The following DENND2A variants were observed in gnomAD, a reference collection of about 807,000 sequenced individuals.
DENND2A encodes the protein DENN domain-containing protein 2A.
A neutral mutation model predicts 105.3 loss-of-function variants in DENND2A; 53 were observed. That is an observed-to-expected ratio of 0.50 (90% confidence interval 0.40 to 0.63). The LOEUF (loss-of-function observed/expected upper bound fraction) is 0.63. DENND2A is among the 30% of genes least tolerant of loss of function. The pLI is 0.00. For missense variants in DENND2A, 1,138 were observed against 1,279.6 expected (o/e 0.89, Z 1.69); for synonymous variants, 522 against 508.4 (o/e 1.03, Z -0.36).
intron 12 of DENND2A, among the ~76,000 whole-genome samples, chr7:140,550,011 C>G (rs971733831): frequency 6.6e-6 from 1 of 151,964 alleles, no homozygotes; most frequent in Non-Finnish European, 1.5e-5. Context: ...CTAAGTGAAT[C>G]GAAGCCAGTC....
At chr7:140,520,306 CAA>C (rs762064430) in intron 18 of DENND2A, among the ~76,000 whole-genome samples, 22 of 108,164 alleles carry the variant, frequency 2.0e-4, no homozygotes, top group Non-Finnish European at 1.4e-4. Flanking sequence ...AACTCCGTCG[CAA>C]AAAAAAAAAA....
chr7:140,628,519 T>C (rs1169801411), intron 1 of DENND2A, among the ~76,000 whole-genome samples: 1 of 151,526 alleles, frequency 6.6e-6, no homozygotes, highest in Non-Finnish European at 1.5e-5. Flanking sequence ...AAATCCCCTT[T>C]GGCCTAAAAT....
chr7:140,632,863 C>T (rs1318693153), intron 1 of DENND2A, among the ~76,000 whole-genome samples: 7 of 143,266 alleles, frequency 4.9e-5, no homozygotes, highest in Non-Finnish European at 1.0e-4. Flanking sequence ...CCATGCCTGG[C>T]CTTTTTTTTT....
chr7:140,519,665 G>C lies in DENND2A; in HGVS notation c.2965C>G (p.His989Asp), dbSNP rs1024601972. ...EYLETLPSGEHSGVNKFLKGL... is the reference protein window; with the variant it reads ...EYLETLPSGEDSGVNKFLKGL... ...TTCAGGAACTTATTGACACCGCTGT[G>C]CTCTCCACTGGGGAGTGTTTCCAGA... The change falls in exon 19 of 20, where the codon CAC becomes GAC. Residue 989 changes from histidine to aspartate, a missense_variant. His to Asp is a moderately conservative substitution (Grantham distance 81). Coordinates refer to ENST00000496613, the MANE Select transcript of DENND2A (RefSeq NM_015689.5). The C allele has an allele frequency of 6.2e-7, 1 of 1,613,986 alleles. No homozygotes were observed. Among genetic ancestry groups the C allele is most frequent in the African/African-American group, 1.3e-5 (1 of 74,890 alleles).
intron 5 of DENND2A, among the ~76,000 whole-genome samples, chr7:140,579,064 G>A (rs1156423810): frequency 7.6e-4 from 116 of 152,268 alleles, no homozygotes; most frequent in Non-Finnish European, 2.5e-4. Context: ...GGGAGGCCAC[G>A]TTGGGCGGAT....
chr7:140,560,931 G>GA (rs201719342), intron 9 of DENND2A, among the ~76,000 whole-genome samples: 4 of 146,340 alleles, frequency 2.7e-5, no homozygotes, highest in East Asian at 2.0e-4. Flanking sequence ...AAGACGCTAA[G>GA]AAAAAAAAAA....
chr7:140,614,607 C>T (rs1300896201), intron 1 of DENND2A, among the ~76,000 whole-genome samples: 3 of 152,020 alleles, frequency 2.0e-5, no homozygotes, highest in Non-Finnish European at 4.4e-5. Flanking sequence ...TTAATGATTC[C>T]AATATCTCTT....
Position 140,601,999 on chromosome 7 carries a change from C to G in DENND2A, c.399G>C (p.Arg133=), listed in dbSNP as rs1585734298. Residue 133 remains arginine (R), a synonymous_variant, in exon 3 of 20, where the codon CGG becomes CGC. Coordinates refer to ENST00000496613, the MANE Select transcript of DENND2A (RefSeq NM_015689.5). ...CTCGGCCCCAGCTAGGATCCACTTC[C>G]CGTTCTGGCTGGCTTAGGTCTTGCC... ...EPGQDLSQPE[R]EVDPSWGRGR... 1 of 1,614,228 alleles carries G rather than the reference C, an allele frequency of 6.2e-7. No individual in the cohort carries two copies. The highest frequency in any genetic ancestry group is 2.2e-5 in the East Asian group (1 of 44,868).
At chr7:140,544,223 C>T in intron 14 of DENND2A, 2 of 294,516 alleles carry the variant, frequency 6.8e-6, no homozygotes, top group South Asian at 7.7e-5. Context: ...GAGGGAAGGT[C>T]TCCCTCTGTT....
Position 140,554,230 on chromosome 7 carries a change from A to C in DENND2A, c.2037+1406T>G, listed in dbSNP as rs529095707. Among the ~76,000 whole-genome samples, 10 of 152,140 alleles carry C rather than the reference A, an allele frequency of 6.6e-5. No homozygotes were observed. In the East Asian group the frequency reaches 1.9e-3, roughly 30 times the overall value. The stretch of plus-strand genomic sequence containing the variant: ...ACAGAACGAGACTCCGTCTCAAAAA[A>C]AAAAAATGCTTTTAGGGAGTACTGC... On this transcript the variant is annotated intron_variant, in intron 12 of 19. Transcript: ENST00000496613.
chr7:140,582,065 A>G (rs1239389665), intron 5 of DENND2A, among the ~76,000 whole-genome samples: 5 of 151,928 alleles, frequency 3.3e-5, no homozygotes, highest in Non-Finnish European at 2.9e-5. Flanking sequence ...CCCAGGTTCA[A>G]GTGATTCTCC....
At chr7:140,557,508 A>AATAT (rs1563139096) in intron 11 of DENND2A, among the ~76,000 whole-genome samples, 1 of 21,922 alleles carries the variant, frequency 4.6e-5, no homozygotes, top group Non-Finnish European at 1.3e-4. Context: ...TTTATTTTTT[A>AATAT]GTATATATAT....
At chr7:140,583,051 G>A (rs1798606670) in intron 5 of DENND2A, among the ~76,000 whole-genome samples, 1 of 151,998 alleles carries the variant, frequency 6.6e-6, no homozygotes, top group Admixed American at 6.6e-5. Context: ...CAACACTTTG[G>A]GAGGCTGAGG....
At chr7:140,553,223 A>C (rs541406895) in intron 12 of DENND2A, among the ~76,000 whole-genome samples, 1 of 152,202 alleles carries the variant, frequency 6.6e-6, no homozygotes, top group East Asian at 1.9e-4. Flanking sequence ...TAGTGGGGAG[A>C]GGGTCAGCAG....
intron 1 of DENND2A, among the ~76,000 whole-genome samples, chr7:140,618,373 T>G (rs2130715545): frequency 6.6e-6 from 1 of 152,334 alleles, no homozygotes; most frequent in South Asian, 2.1e-4. Flanking sequence ...ATATGTAAAC[T>G]TGGTCTTCCT....
chr7:140,547,468 A>T (rs957707305), intron 12 of DENND2A, among the ~76,000 whole-genome samples: 55 of 152,306 alleles, frequency 3.6e-4, no homozygotes, highest in Admixed American at 1.6e-3. Flanking sequence ...CTCTAATAAA[A>T]AGATGGATAA....
At position 140,559,858 on chromosome 7, in the gene DENND2A, C is replaced by A. The variant is rs1331860085; in HGVS notation, c.1780-41G>T. On this transcript the variant is annotated intron_variant, in intron 9 of 19. Coordinates refer to ENST00000496613, the MANE Select transcript of DENND2A (RefSeq NM_015689.5). This position sits in a 1 kb window ranked among gnomAD's most constrained non-coding sequence, Gnocchi z 4.1. ...TGAGAGAAAATTCGAGAACAAATCT[C>A]AGCATGGGAAATTGAGGCGGATGAT... is the stretch of plus-strand genomic sequence containing the variant. 1 of 1,474,282 alleles carries A rather than the reference C, an allele frequency of 6.8e-7. No individual in the cohort carries two copies. 91.3% of individuals were successfully genotyped at this position (1,474,282 alleles called of 1,614,324 possible).
chr7:140,557,081 G>C (rs1797392340), intron 11 of DENND2A, among the ~76,000 whole-genome samples: 1 of 152,082 alleles, frequency 6.6e-6, no homozygotes, highest in African/African-American at 2.4e-5. Context: ...AAGAGAGAAA[G>C]GTCTTTTATT....
intron 9 of DENND2A, among the ~76,000 whole-genome samples, chr7:140,564,327 C>T (rs78051654): frequency 0.023 from 3,536 of 150,634 alleles, 53 homozygotes; most frequent in South Asian, 0.043. Context: ...ACACTGGTAG[C>T]CAGATACATT....
Sources: gnomAD v4.1 joint callset for allele counts (sites outside exome capture counted in the v4.1 genomes callset) on GRCh38, gnomAD v4.1.1 for gene constraint, Gnocchi (gnomAD v3.1) non-coding constraint, MANE v1.5 for transcripts, NCBI Gene and HGNC (gene_info 2026-07-23, HGNC 2026-07-21) for gene names.